Variants in CENPK observed in about 807,000 individuals in gnomAD.
The protein encoded by CENPK is SoxLZ/Sox6-binding protein Solt.
In CENPK, 46 loss-of-function variants were observed where a neutral mutation model predicts 40.9. That is an observed-to-expected ratio of 1.13 (90% CI 0.89 to 1.44). The LOEUF is 1.44. Ranked by LOEUF, CENPK falls within the 40% of genes most tolerant of loss-of-function variation. The pLI, the probability that CENPK is intolerant of heterozygous loss-of-function variation, is 0.00. For missense variants in CENPK, 288 were observed against 303.5 expected, an observed-to-expected ratio of 0.95 and a Z score of 0.38; for synonymous variants, 107 against 104.4, an observed-to-expected ratio of 1.02 and a Z score of -0.15.
At chr5:65,524,001 G>T (rs1251290160) in intron 9 of CENPK, among the ~76,000 whole-genome samples, 1 of 151,996 alleles carries the variant, frequency 6.6e-6, no homozygotes. Flanking sequence ...AGAATCCAAA[G>T]ACTAAACACC....
intron 3 of CENPK, among the ~76,000 whole-genome samples, chr5:65,554,003 A>T (rs1459835036): frequency 2.6e-5 from 4 of 152,102 alleles, no homozygotes; most frequent in African/African-American, 9.7e-5. Context: ...TCCTTCTCCT[A>T]ATTTACATTA....
chr5:65,514,468 T>C (rs1405694434), downstream of CENPK, among the ~76,000 whole-genome samples: 1 of 151,964 alleles, frequency 6.6e-6, no homozygotes, highest in East Asian at 1.9e-4. Context: ...GGTTTCACCA[T>C]ATTGGTCAGG....
At chr5:65,547,714 G>A (rs1186900754) in intron 5 of CENPK, among the ~76,000 whole-genome samples, 2 of 152,210 alleles carry the variant, frequency 1.3e-5, no homozygotes, top group East Asian at 1.9e-4. Context: ...GCCCAGGCAG[G>A]AGTGCAGTGG....
At chr5:65,537,192 A>G (rs1269214629) in intron 6 of CENPK, among the ~76,000 whole-genome samples, 1 of 152,260 alleles carries the variant, frequency 6.6e-6, no homozygotes, top group African/African-American at 2.4e-5. Context: ...AAAAAGGCAC[A>G]TGGGAGAAGC....
chr5:65,555,844 G>C (rs1201838599), intron 2 of CENPK, among the ~76,000 whole-genome samples: 1 of 152,190 alleles, frequency 6.6e-6, no homozygotes, highest in Non-Finnish European at 1.5e-5. Context: ...ACTCAGTTTA[G>C]GATATGCTAC....
At chr5:65,560,067 T>C (rs561906454) in intron 2 of CENPK, among the ~76,000 whole-genome samples, 9 of 151,946 alleles carry the variant, frequency 5.9e-5, no homozygotes, top group Non-Finnish European at 1.3e-4. Flanking sequence ...AAAAATAGGA[T>C]GAAAACACAG....
the CENPK span, among the ~76,000 whole-genome samples, chr5:65,502,169 G>A: frequency 2.0e-5 from 3 of 152,180 alleles, no homozygotes; most frequent in African/African-American, 7.2e-5. Flanking sequence ...AGCTGCAGTA[G>A]GGTGGTTATA....
chr5:65,550,199 A>T (rs1315677012), intron 5 of CENPK, among the ~76,000 whole-genome samples: 3 of 143,642 alleles, frequency 2.1e-5, no homozygotes, highest in East Asian at 2.1e-4. Context: ...AAAAAAAAAA[A>T]TTTTCCTTTC....
the CENPK span, among the ~76,000 whole-genome samples, chr5:65,507,051 T>C: frequency 6.6e-6 from 1 of 152,224 alleles, no homozygotes; most frequent in Non-Finnish European, 1.5e-5. Flanking sequence ...CTAGAATAAA[T>C]TAATTCACTT....
At chr5:65,528,672 TA>T in intron 8 of CENPK, 94 bp from the exon 9 acceptor site, 1 of 1,341,998 alleles carries the variant, frequency 7.5e-7, no homozygotes, top group Non-Finnish European at 9.8e-7. Flanking sequence ...AAAACTTTGT[TA>T]AAACTTCATT....
chr5:65,510,968 T>C, the CENPK span, among the ~76,000 whole-genome samples: 91,937 of 151,876 alleles, frequency 0.61, 28,535 homozygotes, highest in East Asian at 0.79. Context: ...GAGGGCCCCA[T>C]AAGATGCAGC....
At chr5:65,521,160 C>CA (rs1743666287) in intron 10 of CENPK, among the ~76,000 whole-genome samples, 1 of 151,772 alleles carries the variant, frequency 6.6e-6, no homozygotes, top group Non-Finnish European at 1.5e-5. Context: ...TACTAGATAA[C>CA]ATCATTAAAA....
At chr5:65,513,556 CTTT>C (rs1222931375), downstream of CENPK, among the ~76,000 whole-genome samples, 1 of 152,160 alleles carries the variant, frequency 6.6e-6, no homozygotes, top group Non-Finnish European at 1.5e-5. Context: ...TCTCTACTCT[CTTT>C]TGGTGCTAAT....
Position 65,528,914 on chromosome 5 carries a change from A to T in CENPK, c.470+5T>A. 2 of 1,462,956 alleles carry T rather than the reference A, an allele frequency of 1.4e-6. No individual in the cohort carries two copies. The highest frequency in any genetic ancestry group is 1.9e-6 in the Non-Finnish European group (2 of 1,058,590). The allele number at this position is 1,462,956 out of a possible 1,614,324, so 90.6% of individuals were successfully genotyped here. A position where few individuals can be genotyped will look rare whatever the true frequency, so the allele number is the denominator to read the frequency against. ...TTTTAAAAACCTAGAACATAAAATTAATACCTTGATTCAGAAAATGTTTCA... is the reference window on the plus strand; with the variant it reads ...TTTTAAAAACCTAGAACATAAAATTTATACCTTGATTCAGAAAATGTTTCA... On this transcript the variant is annotated splice_donor_5th_base_variant and intron_variant, in intron 8 of 10. Coordinates refer to ENST00000396679, the MANE Select transcript of CENPK (RefSeq NM_022145.5).
intron 6 of CENPK, chr5:65,529,405 G>A: frequency 2.2e-6 from 1 of 450,096 alleles, no homozygotes; most frequent in Non-Finnish European, 3.9e-6. Context: ...AAATACAAGA[G>A]GTTTTGAGCA....
At chr5:65,521,643 C>A in intron 9 of CENPK, 115 bp from the exon 10 acceptor site, 1 of 741,750 alleles carries the variant, frequency 1.3e-6, no homozygotes, top group Non-Finnish European at 2.2e-6. Flanking sequence ...TCTTGGCGCC[C>A]AGGCTGGAGT....
chr5:65,529,025 C>T lies in CENPK; in HGVS notation c.372-8G>A. 1 of 1,590,190 alleles carries T rather than the reference C, an allele frequency of 6.3e-7. No individual in the cohort carries two copies. The highest frequency in any genetic ancestry group is 8.6e-7 in the Non-Finnish European group (1 of 1,161,616). On this transcript the variant is annotated splice_region_variant and splice_polypyrimidine_tract_variant and intron_variant, in intron 7 of 10. Coordinates refer to ENST00000396679, the MANE Select transcript of CENPK (RefSeq NM_022145.5). ...TCCAACCACCGTTGTTCCCTTTCGA[C>T]ATGGAAAAACAATACAAGCAATATC...
intron 9 of CENPK, among the ~76,000 whole-genome samples, chr5:65,527,623 T>C (rs1056345047): frequency 6.7e-6 from 1 of 149,514 alleles, no homozygotes; most frequent in African/African-American, 2.5e-5. Flanking sequence ...TTTATTTCAT[T>C]ATAGCTACTA....
chr5:65,539,368 G>A (rs922087387), intron 6 of CENPK, among the ~76,000 whole-genome samples: 2 of 152,180 alleles, frequency 1.3e-5, no homozygotes, highest in African/African-American at 4.8e-5. Flanking sequence ...ATCTCCAACT[G>A]TGAACTTGTG....
Sources: gnomAD v4.1 joint callset for allele counts (sites outside exome capture counted in the v4.1 genomes callset) on GRCh38, gnomAD v4.1.1 for gene constraint, MANE v1.5 for transcripts, NCBI Gene and HGNC (gene_info 2026-07-23, HGNC 2026-07-21) for gene names.